PDE6B: variants seen among roughly 807,000 people sequenced by gnomAD.
The protein encoded by PDE6B is rod cGMP-specific 3',5'-cyclic phosphodiesterase subunit beta.
Under a neutral mutation model 109.0 loss-of-function variants are expected in PDE6B, and 106 were observed. The ratio of observed to expected loss-of-function variants is 0.97; its 90% CI spans 0.83 to 1.14. The LOEUF is 1.14. Among genes scored for constraint, PDE6B ranks in the 50% most tolerant of loss-of-function variants. The probability of loss-of-function intolerance (pLI) is 0.00; values close to 1 mark genes in which losing one functional copy is unlikely to be tolerated. For missense variants in PDE6B, 1,193 were observed against 1,155.6 expected (o/e 1.03, Z -0.47); for synonymous variants, 490 against 471.3 (o/e 1.04, Z -0.51).
At chr4:644,067 C>T (rs915226909) in intron 3 of PDE6B, among the ~76,000 whole-genome samples, 1 of 151,402 alleles carries the variant, frequency 6.6e-6, no homozygotes, top group Non-Finnish European at 1.5e-5. Flanking sequence ...TACAGACACA[C>T]ACCACCACAC....
In PDE6B at chr4:662,496, C is replaced by T. The variant is rs1447313580; in HGVS notation, c.1723-13C>T. 5 of 1,571,864 alleles carry T rather than the reference C, an allele frequency of 3.2e-6. No homozygotes were observed. Among genetic ancestry groups the T allele is most frequent in the East Asian group, 2.2e-5 (1 of 44,708 alleles). Reference sequence around the variant, plus strand: ...AGCCAGGACCGGTGAGCAAGGTGGCCCTGTCTCTACAGACCGGCAAACTGA... The same window carrying T: ...AGCCAGGACCGGTGAGCAAGGTGGCTCTGTCTCTACAGACCGGCAAACTGA... On this transcript the variant is annotated splice_polypyrimidine_tract_variant and intron_variant, in intron 13 of 21. Transcript: ENST00000496514. This position sits in a 1 kb window ranked among gnomAD's most constrained non-coding sequence, Gnocchi z 4.3.
intron 3 of PDE6B, among the ~76,000 whole-genome samples, chr4:646,798 T>C (rs981618635): frequency 6.6e-6 from 1 of 151,982 alleles, no homozygotes; most frequent in Non-Finnish European, 1.5e-5. Context: ...TATGTTACCA[T>C]CTGCTCCGGT....
chr4:646,260 A>G (rs1735194411), intron 3 of PDE6B, among the ~76,000 whole-genome samples: 1 of 152,032 alleles, frequency 6.6e-6, no homozygotes, highest in African/African-American at 2.4e-5. Context: ...ATACAGAATT[A>G]TAAGTTAGCA....
Position 666,582 on chromosome 4 carries a change from T to C in PDE6B, c.2320T>C (p.Phe774Leu). 6.2e-7 allele frequency: 1 copy of C among 1,612,864 alleles called. No homozygotes were observed. Among genetic ancestry groups the C allele is most frequent in the Non-Finnish European group, 8.5e-7 (1 of 1,179,062 alleles). ...CGAGCTCCCCAAGCTGCAAGTGGGC[T>C]TCATCGACTTCGTGTGCACATTCGT... ...AAELPKLQVG[F>L]IDFVCTFVYK... Residue 774 changes from phenylalanine (F) to leucine (L), a missense_variant, in exon 20 of 22, where the codon TTC becomes CTC. Physicochemically the swap from Phe to Leu is conservative, Grantham distance 22. Coordinates refer to ENST00000496514, the MANE Select transcript of PDE6B (RefSeq NM_000283.4). This position sits in a 1 kb window ranked among gnomAD's most constrained non-coding sequence, Gnocchi z 5.6.
chr4:669,416 GCTACCCCATGCTATTCCC>G (rs1738218521), intron 21 of PDE6B, among the ~76,000 whole-genome samples: 1 of 27,212 alleles, frequency 3.7e-5, no homozygotes, highest in African/African-American at 1.8e-4. Flanking sequence ...TGCTATTCCC[GCTACCCCATGCTATTCCC>G]CTACCCCATG....
At chr4:658,127 G>A (rs1736581399) in intron 10 of PDE6B, among the ~76,000 whole-genome samples, 1 of 146,940 alleles carries the variant, frequency 6.8e-6, no homozygotes, top group Non-Finnish European at 1.5e-5. Flanking sequence ...GGTCACCAGG[G>A]GTCACAGCTG....
At chr4:661,144 G>T (rs1223728762) in intron 12 of PDE6B, 1 of 153,880 alleles carries the variant, frequency 6.5e-6, no homozygotes, top group Non-Finnish European at 1.4e-5. Context: ...GTCAATTAAT[G>T]AATTAATAGA....
rs1319337201 is a variant in PDE6B at position 670,273 on chromosome 4, T to G, written c.*166T>G. 2.0e-6 allele frequency: 2 copies of G among 998,384 alleles called. No individual in the cohort carries two copies. The highest frequency in any genetic ancestry group is 1.4e-6 in the Non-Finnish European group (1 of 713,736). The allele number at this position is 998,384 out of a possible 1,614,324, so 61.8% of individuals were successfully genotyped here. A position where few individuals can be genotyped will look rare whatever the true frequency, so the allele number is the denominator to read the frequency against. The stretch of plus-strand genomic sequence containing the variant: ...TTTTTTTTTTTTTGAGATGGAGTCT[T>G]GCTCTGTCACCCAGGCTGGAGTGCC... On this transcript the variant is annotated 3_prime_UTR_variant, in exon 22 of 22. Coordinates refer to ENST00000496514, the MANE Select transcript of PDE6B (RefSeq NM_000283.4).
At chr4:650,267 A>G (rs139020978) in intron 3 of PDE6B, among the ~76,000 whole-genome samples, 96 of 152,352 alleles carry the variant, frequency 6.3e-4, no homozygotes, top group African/African-American at 2.3e-3. Flanking sequence ...CAAGTTCCCA[A>G]CATTTTAAAG....
chr4:635,712 C>A (rs1448489941), intron 2 of PDE6B, among the ~76,000 whole-genome samples, 168 bp from the exon 3 acceptor site: 1 of 152,262 alleles, frequency 6.6e-6, no homozygotes, highest in Admixed American at 6.5e-5. Context: ...TGCGTGCCCA[C>A]CCTGTGCACC....
At chr4:635,380 T>C in intron 2 of PDE6B, among the ~76,000 whole-genome samples, 1 of 120,156 alleles carries the variant, frequency 8.3e-6, no homozygotes, top group East Asian at 2.5e-4. Context: ...GTGCCACGCG[T>C]CTGCCTCCCT....
chr4:628,982 G>C (rs1734249982), intron 1 of PDE6B, among the ~76,000 whole-genome samples: 1 of 152,246 alleles, frequency 6.6e-6, no homozygotes, highest in African/African-American at 2.4e-5. Context: ...GCCTGGCCCA[G>C]GCCTGGGCAT....
intron 3 of PDE6B, among the ~76,000 whole-genome samples, chr4:641,506 C>T (rs34477049): frequency 0.018 from 2,710 of 152,328 alleles, 38 homozygotes; most frequent in Middle Eastern, 0.027. Context: ...CACCAAGTAC[C>T]GTCACAGCCA....
chr4:636,302 C>T lies in PDE6B; in HGVS notation c.711+333C>T, dbSNP rs1325169218. 6.6e-6 allele frequency among the ~76,000 whole-genome samples: 1 copy of T among 152,152 alleles called. No homozygotes were observed. Among genetic ancestry groups the T allele is most frequent in the Non-Finnish European group, 1.5e-5 (1 of 68,006 alleles). ...GAGTGAGCAGGGAGCAGAGGGGCTCCCTGGCAGGTCCAGCCCTGGTTGAGA... is the reference window on the plus strand; with the variant it reads ...GAGTGAGCAGGGAGCAGAGGGGCTCTCTGGCAGGTCCAGCCCTGGTTGAGA... On this transcript the variant is annotated intron_variant, in intron 3 of 21. Coordinates refer to ENST00000496514, the MANE Select transcript of PDE6B (RefSeq NM_000283.4). This position sits in a 1 kb window ranked among gnomAD's most constrained non-coding sequence, Gnocchi z 4.5.
At chr4:653,659 C>T (rs1283273489) in intron 3 of PDE6B, 193 bp from the exon 4 acceptor site, 14 of 681,042 alleles carry the variant, frequency 2.1e-5, no homozygotes, top group Admixed American at 6.9e-5. Flanking sequence ...AGCCAGCTCC[C>T]GGGCCCCACA....
At position 634,735 on chromosome 4, in the gene PDE6B, T is replaced by C; in HGVS notation, c.527T>C (p.Leu176Pro). ...ELTDYKTKNM[L>P]ATPIMNGKDV... is the part of the protein sequence containing the mutation. ...ACTGACTACAAGACAAAGAATATGC[T>C]GGCCACACCCATCATGAATGGCAAA... Residue 176 changes from leucine to proline, a missense_variant, in exon 2 of 22, where the codon CTG becomes CCG. Physicochemically the swap from Leu to Pro is moderately conservative, Grantham distance 98 (BLOSUM62 -3). Coordinates refer to ENST00000496514, the MANE Select transcript of PDE6B (RefSeq NM_000283.4). 1 of 1,612,586 alleles carries C rather than the reference T, an allele frequency of 6.2e-7. No individual in the cohort carries two copies. Among genetic ancestry groups the C allele is most frequent in the Non-Finnish European group, 8.5e-7 (1 of 1,178,560 alleles).
At chr4:658,192 A>T (rs947573236) in intron 10 of PDE6B, among the ~76,000 whole-genome samples, 4 of 109,746 alleles carry the variant, frequency 3.6e-5, no homozygotes, top group African/African-American at 1.4e-4. Context: ...GCAAGTCGCC[A>T]GGGGTCACGG....
At chr4:649,400 A>C (rs919113062) in intron 3 of PDE6B, among the ~76,000 whole-genome samples, 3 of 151,538 alleles carry the variant, frequency 2.0e-5, no homozygotes, top group Non-Finnish European at 4.4e-5. Flanking sequence ...CCCTGGGCCC[A>C]GGGGGAAACG....
intron 8 of PDE6B, 148 bp from the exon 9 acceptor site, chr4:656,724 GGA>G (rs2109213221): frequency 2.8e-6 from 2 of 702,038 alleles, no homozygotes; most frequent in Admixed American, 4.4e-5. Flanking sequence ...ATGCAGAGAG[GGA>G]GAGAGGGAAT....
Sources: gnomAD v4.1 joint callset for allele counts (sites outside exome capture counted in the v4.1 genomes callset) on GRCh38, gnomAD v4.1.1 for gene constraint, Gnocchi (gnomAD v3.1) non-coding constraint, MANE v1.5 for transcripts, NCBI Gene and HGNC (gene_info 2026-07-23, HGNC 2026-07-21) for gene names.